Variants in SORCS3 observed in about 807,000 individuals in gnomAD.
SORCS3 encodes the protein VPS10 domain-containing receptor SorCS3.
Under a neutral mutation model 146.3 loss-of-function variants are expected in SORCS3, and 57 were observed. The ratio of observed to expected loss-of-function variants is 0.39; its 90% CI spans 0.31 to 0.49. The LOEUF (loss-of-function observed/expected upper bound fraction) is 0.49. Ranked by LOEUF, SORCS3 falls within the 20% of genes least tolerant of loss-of-function variation. The pLI is 0.92. For synonymous variants in SORCS3, 653 were observed against 618.5 expected (o/e 1.06, Z -0.83); for missense variants, 1,341 against 1,575.5 (o/e 0.85, Z 2.52).
At chr10:104,965,282 A>T (rs1236524688) in intron 3 of SORCS3, among the ~76,000 whole-genome samples, 4 of 152,152 alleles carry the variant, frequency 2.6e-5, no homozygotes, top group Non-Finnish European at 5.9e-5. Context: ...TTGCATCAAC[A>T]CTGACTGTCT....
intron 1 of SORCS3, among the ~76,000 whole-genome samples, chr10:104,662,271 G>C (rs1049699672): frequency 6.6e-6 from 1 of 152,172 alleles, no homozygotes; most frequent in Non-Finnish European, 1.5e-5. Flanking sequence ...ATTTTAAAAT[G>C]ACATAATTTT....
chr10:104,918,924 T>C (rs1422555788), intron 3 of SORCS3, among the ~76,000 whole-genome samples: 1 of 152,258 alleles, frequency 6.6e-6, no homozygotes, highest in African/African-American at 2.4e-5. Flanking sequence ...GGAATTCATC[T>C]GTCATGTATG....
chr10:104,641,525 C>G lies in SORCS3; in HGVS notation c.198C>G (p.Ser66Arg), dbSNP rs781615566. The G allele has an allele frequency of 1.8e-5, 26 of 1,474,546 alleles. No homozygotes were observed. The highest frequency in any genetic ancestry group is 2.3e-4 in the Middle Eastern group (1 of 4,338). The allele number at this position is 1,474,546 out of a possible 1,614,324, so 91.3% of individuals were successfully genotyped here. ...LSPLSPRAVASQWPEELASAR... is the reference protein window; with the variant it reads ...LSPLSPRAVARQWPEELASAR... ...CACTCTCGCCGCGGGCAGTGGCCAG[C>G]CAGTGGCCGGAGGAGCTGGCGTCGG... is the stretch of plus-strand genomic sequence containing the variant. Residue 66 changes from serine (S) to arginine (R), a missense_variant, in exon 1 of 27, where the codon AGC (serine) becomes AGG (arginine). Ser to Arg is a moderately radical substitution (Grantham distance 110). Transcript: ENST00000369701. This position sits in a 1 kb window ranked among gnomAD's most constrained non-coding sequence, Gnocchi z 6.4.
At chr10:104,881,869 C>T (rs188407675) in intron 2 of SORCS3, among the ~76,000 whole-genome samples, 1 of 152,304 alleles carries the variant, frequency 6.6e-6, no homozygotes, top group African/African-American at 2.4e-5. Context: ...CAGTTTTTCA[C>T]ACTGGTCAAA....
chr10:104,668,149 CTGTG>C (rs147505906), intron 1 of SORCS3, among the ~76,000 whole-genome samples: 1 of 151,312 alleles, frequency 6.6e-6, no homozygotes, highest in African/African-American at 2.4e-5. Context: ...ATTGCAACAG[CTGTG>C]TGTGTGTGTG....
intron 16 of SORCS3, among the ~76,000 whole-genome samples, chr10:105,203,888 G>A (rs926599322): frequency 2.6e-5 from 4 of 152,118 alleles, no homozygotes; most frequent in African/African-American, 9.7e-5. Flanking sequence ...TTACACCCTA[G>A]GGTTAAGTGG....
intron 20 of SORCS3, among the ~76,000 whole-genome samples, chr10:105,228,323 A>G (rs1026705964): frequency 6.7e-6 from 1 of 150,152 alleles, no homozygotes; most frequent in Non-Finnish European, 1.5e-5. Flanking sequence ...CCTGCCCTCC[A>G]TCACTCCCTC....
intron 1 of SORCS3, among the ~76,000 whole-genome samples, chr10:104,800,963 T>A (rs1404205104): frequency 6.6e-6 from 1 of 152,222 alleles, no homozygotes; most frequent in Non-Finnish European, 1.5e-5. Context: ...TATGAAGTGT[T>A]TTATTATTTA....
At chr10:105,198,066 T>A (rs537565952) in intron 14 of SORCS3, among the ~76,000 whole-genome samples, 1 of 152,300 alleles carries the variant, frequency 6.6e-6, no homozygotes, top group Non-Finnish European at 1.5e-5. Flanking sequence ...TCTCAATCTT[T>A]TTGTCAAGAT....
Position 105,043,197 on chromosome 10 carries a change from G to T in SORCS3, c.1028+69G>T, listed in dbSNP as rs1025192195. 2.9e-6 allele frequency: 4 copies of T among 1,368,526 alleles called. No individual in the cohort carries two copies. The African/African-American group carries it at 5.7e-5, about 20-fold the overall frequency. 84.8% of individuals were successfully genotyped at this position (1,368,526 alleles called of 1,614,324 possible). ...ATCAAACAGCGTAGCACTCTAGACA[G>T]CTCTGGACAGTTGCAGTTCTTGCAG... On this transcript the variant is annotated intron_variant, in intron 5 of 26. Coordinates refer to ENST00000369701, the MANE Select transcript of SORCS3 (RefSeq NM_014978.3).
At chr10:105,239,130 G>A (rs188571096) in intron 20 of SORCS3, among the ~76,000 whole-genome samples, 5 of 152,194 alleles carry the variant, frequency 3.3e-5, no homozygotes, top group African/African-American at 1.2e-4. Context: ...TTGAGTTTTA[G>A]TTTAAAACTA....
intron 1 of SORCS3, among the ~76,000 whole-genome samples, chr10:104,736,168 A>T (rs1215684404): frequency 6.6e-6 from 1 of 152,118 alleles, no homozygotes; most frequent in East Asian, 1.9e-4. Flanking sequence ...TGTCATCCTA[A>T]TTCTTGAGCA....
chr10:104,977,188 G>C (rs1367018781), intron 3 of SORCS3, 147 bp from the exon 4 acceptor site: 4 of 508,424 alleles, frequency 7.9e-6, no homozygotes, highest in Non-Finnish European at 9.3e-6. Context: ...CAGGAGAAAA[G>C]TTAATACAAG....
chr10:105,221,494 G>A (rs2056702408), intron 19 of SORCS3, among the ~76,000 whole-genome samples: 1 of 152,188 alleles, frequency 6.6e-6, no homozygotes, highest in African/African-American at 2.4e-5. Context: ...TTAATATAAG[G>A]AAGGCAGAGC....
chr10:105,202,635 G>T (rs781643914), intron 16 of SORCS3, among the ~76,000 whole-genome samples: 61 of 152,250 alleles, frequency 4.0e-4, no homozygotes, highest in African/African-American at 4.6e-4. Context: ...TGTAAGTGCT[G>T]GGAATGCAGG....
intron 1 of SORCS3, among the ~76,000 whole-genome samples, chr10:104,818,613 C>T (rs2017835356): frequency 6.6e-6 from 1 of 152,130 alleles, no homozygotes; most frequent in Non-Finnish European, 1.5e-5. Flanking sequence ...ACTACAGGAT[C>T]CCCTGCTTTT....
intron 1 of SORCS3, 68 bp downstream of exon 1, chr10:104,642,022 G>GGGGGGGGGGGGGGA: frequency 5.8e-6 from 1 of 173,332 alleles, no homozygotes; most frequent in Non-Finnish European, 1.1e-5. Flanking sequence ...GGGTGGGTGG[G>GGGGGGGGGGGGGGA]AGCGAGGGAC....
intron 2 of SORCS3, among the ~76,000 whole-genome samples, chr10:104,909,099 C>G (rs947913254): frequency 2.6e-5 from 4 of 152,078 alleles, no homozygotes; most frequent in Non-Finnish European, 5.9e-5. Context: ...GCAGCACCAC[C>G]AAATCATACC....
chr10:105,118,207 G>A (rs768623093), intron 7 of SORCS3, among the ~76,000 whole-genome samples: 3 of 152,094 alleles, frequency 2.0e-5, no homozygotes, highest in African/African-American at 7.2e-5. Context: ...TGCTGTTCTC[G>A]TAAAAGTGAG....
Sources: gnomAD v4.1 joint callset for allele counts (sites outside exome capture counted in the v4.1 genomes callset) on GRCh38, gnomAD v4.1.1 for gene constraint, Gnocchi (gnomAD v3.1) non-coding constraint, MANE v1.5 for transcripts, NCBI Gene and HGNC (gene_info 2026-07-23, HGNC 2026-07-21) for gene names.